Variants in ASCC3 observed in about 807,000 individuals in gnomAD.
ASCC3 encodes activating signal cointegrator 1 complex subunit 3.
Under a neutral mutation model 256.3 loss-of-function variants are expected in ASCC3, and 158 were observed. The observed-to-expected ratio is 0.62, with a 90% CI of 0.54 to 0.70. ASCC3 has a LOEUF of 0.70. Ranked by LOEUF, ASCC3 falls within the 30% of genes least tolerant of loss-of-function variation. ASCC3 has a pLI of 0.00. For missense variants in ASCC3, 2,259 were observed against 2,626.0 expected, an observed-to-expected ratio of 0.86 and a Z score of 3.05; for synonymous variants, 948 against 883.4, an observed-to-expected ratio of 1.07 and a Z score of -1.30.
intron 4 of ASCC3, among the ~76,000 whole-genome samples, chr6:100,836,079 G>C (rs548661939): frequency 1.3e-5 from 2 of 152,198 alleles, no homozygotes; most frequent in East Asian, 3.9e-4. Context: ...ATATACAAAT[G>C]ATACTGATTT....
At chr6:100,642,981 T>C (rs906453332) in intron 23 of ASCC3, among the ~76,000 whole-genome samples, 5 of 152,196 alleles carry the variant, frequency 3.3e-5, no homozygotes, top group Non-Finnish European at 4.4e-5. Flanking sequence ...TACATATGCA[T>C]ATAATCATGT....
chr6:100,643,960 A>G (rs575504320), intron 23 of ASCC3, 71 bp downstream of exon 23: 1 of 1,025,734 alleles, frequency 9.7e-7, no homozygotes, highest in South Asian at 1.4e-5. Context: ...ACAGAGAAAT[A>G]AAAGCAGAAA....
At chr6:100,723,138 T>C (rs2115034137) in intron 11 of ASCC3, among the ~76,000 whole-genome samples, 1 of 151,868 alleles carries the variant, frequency 6.6e-6, no homozygotes, top group Admixed American at 6.6e-5. Context: ...CTGATTCATA[T>C]TCTTTTTAAG....
intron 4 of ASCC3, among the ~76,000 whole-genome samples, chr6:100,831,637 A>G (rs1771624461): frequency 6.6e-6 from 1 of 152,182 alleles, no homozygotes; most frequent in Non-Finnish European, 1.5e-5. Context: ...GGCCACAGCT[A>G]CTATAGAAAT....
intron 13 of ASCC3, among the ~76,000 whole-genome samples, chr6:100,690,034 C>T (rs1463404363): frequency 6.6e-6 from 1 of 152,020 alleles, no homozygotes; most frequent in Non-Finnish European, 1.5e-5. Context: ...AAAAATTAAT[C>T]AAATGTATTA....
At chr6:100,760,141 T>C (rs1033811184) in intron 10 of ASCC3, among the ~76,000 whole-genome samples, 2 of 152,142 alleles carry the variant, frequency 1.3e-5, no homozygotes, top group African/African-American at 4.8e-5. Flanking sequence ...TGAATACCAA[T>C]TTCTTTCTCT....
At chr6:100,740,018 C>T (rs1186094774) in intron 10 of ASCC3, among the ~76,000 whole-genome samples, 2 of 151,942 alleles carry the variant, frequency 1.3e-5, no homozygotes, top group Non-Finnish European at 2.9e-5. Context: ...TTTTAGTTGA[C>T]ATATTAGGCT....
chr6:100,593,039 C>T (rs1442029801), intron 34 of ASCC3, among the ~76,000 whole-genome samples: 63 of 152,230 alleles, frequency 4.1e-4, no homozygotes, highest in Non-Finnish European at 7.4e-5. Context: ...TTGTCAGAAG[C>T]TCTAATTTAT....
Position 100,769,138 on chromosome 6 carries a change from G to T in ASCC3, c.1396-1793C>A, listed in dbSNP as rs12528809. The stretch of plus-strand genomic sequence containing the variant: ...TATATTGAAAAAGAAGATACCACAT[G>T]ATCTCACTCATATGTGGAATCTGAA... On this transcript the variant is annotated intron_variant, in intron 8 of 41. Transcript: ENST00000369162. Among the ~76,000 whole-genome samples the T allele has an allele frequency of 4.4e-3, 667 of 152,138 alleles. 21 individuals carry two copies. Among genetic ancestry groups the T allele is most frequent in the Admixed American group, 0.029 (444 of 15,268 alleles).
At chr6:100,793,546 A>T (rs1022041419) in intron 8 of ASCC3, among the ~76,000 whole-genome samples, 2 of 152,018 alleles carry the variant, frequency 1.3e-5, no homozygotes, top group Non-Finnish European at 2.9e-5. Context: ...CTGAAAATTT[A>T]ATTTACCATT....
At chr6:100,840,702 A>T (rs1286890413) in intron 4 of ASCC3, among the ~76,000 whole-genome samples, 1 of 152,072 alleles carries the variant, frequency 6.6e-6, no homozygotes, top group African/African-American at 2.4e-5. Flanking sequence ...GCAGGTTCAA[A>T]ATTATATATC....
At chr6:100,551,580 T>C (rs1769301522) in intron 36 of ASCC3, among the ~76,000 whole-genome samples, 1 of 152,018 alleles carries the variant, frequency 6.6e-6, no homozygotes, top group South Asian at 2.1e-4. Context: ...TACACTGTAC[T>C]TGATAGTGAG....
intron 4 of ASCC3, among the ~76,000 whole-genome samples, chr6:100,819,708 AT>A (rs1469094247): frequency 6.6e-6 from 1 of 152,260 alleles, no homozygotes; most frequent in African/African-American, 2.4e-5. Context: ...GTCTTTCCAT[AT>A]TCTTCTGCCT....
intron 30 of ASCC3, among the ~76,000 whole-genome samples, chr6:100,616,753 A>G (rs1773683898): frequency 6.6e-6 from 1 of 152,202 alleles, no homozygotes; most frequent in African/African-American, 2.4e-5. Context: ...TTGTAAGGAC[A>G]AAAGTGAATA....
chr6:100,550,642 T>C (rs1459178831), intron 36 of ASCC3, among the ~76,000 whole-genome samples: 1 of 151,966 alleles, frequency 6.6e-6, no homozygotes, highest in African/African-American at 2.4e-5. Context: ...TGTGGGGTTA[T>C]TTGCAGGTAA....
intron 1 of ASCC3, among the ~76,000 whole-genome samples, chr6:100,878,625 C>A (rs1769115402): frequency 6.6e-6 from 1 of 152,196 alleles, no homozygotes; most frequent in Admixed American, 6.5e-5. Context: ...CCACGAAAGT[C>A]CAGTGGAAAA....
intron 4 of ASCC3, among the ~76,000 whole-genome samples, chr6:100,840,248 G>A (rs570954193): frequency 5.5e-4 from 84 of 152,278 alleles, no homozygotes; most frequent in African/African-American, 1.9e-3. Context: ...AAACCAGTGA[G>A]TACTTTTGTA....
intron 10 of ASCC3, among the ~76,000 whole-genome samples, chr6:100,748,692 T>C (rs1395439453): frequency 6.6e-6 from 1 of 152,046 alleles, no homozygotes; most frequent in Non-Finnish European, 1.5e-5. Flanking sequence ...TTACAATATA[T>C]AAATTAAATA....
chr6:100,870,453 C>A (rs1773690469), intron 1 of ASCC3, among the ~76,000 whole-genome samples: 1 of 152,014 alleles, frequency 6.6e-6, no homozygotes, highest in South Asian at 2.1e-4. Flanking sequence ...AGTGTAAAAC[C>A]CATTCTGGGG....
Sources: allele counts gnomAD v4.1 joint callset (sites outside exome capture counted in the v4.1 genomes callset), GRCh38; gene constraint gnomAD v4.1.1; transcripts MANE v1.5; gene names NCBI Gene and HGNC (gene_info 2026-07-23, HGNC 2026-07-21).